The following TNR variants were observed in gnomAD, a reference collection of about 807,000 sequenced individuals.
TNR encodes the protein tenascin R.
A neutral mutation model predicts 150.4 loss-of-function variants in TNR; 45 were observed. The ratio of observed to expected loss-of-function variants is 0.30; its 90% CI spans 0.24 to 0.38. The LOEUF is 0.38. Among genes scored for constraint, TNR ranks in the 10% least tolerant of loss-of-function variants. TNR has a pLI of 1.00. For synonymous variants in TNR, 687 were observed against 678.4 expected (o/e 1.01, Z -0.20); for missense variants, 1,544 against 1,759.1 (o/e 0.88, Z 2.19).
chr1:175,720,257 GCT>G (rs751936280), intron 1 of TNR, among the ~76,000 whole-genome samples: 16 of 150,856 alleles, frequency 1.1e-4, no homozygotes, highest in South Asian at 1.0e-3. Context: ...GCTCTCTTGT[GCT>G]CTCTCTCTCT....
intron 2 of TNR, among the ~76,000 whole-genome samples, chr1:175,458,380 G>A (rs1272625132): frequency 1.3e-5 from 2 of 152,140 alleles, no homozygotes; most frequent in Non-Finnish European, 2.9e-5. Context: ...GATTTAAGAA[G>A]GACAAGGCAT....
At chr1:175,467,878 C>T (rs991832901) in intron 2 of TNR, among the ~76,000 whole-genome samples, 3 of 152,144 alleles carry the variant, frequency 2.0e-5, no homozygotes, top group African/African-American at 7.2e-5. Flanking sequence ...CTGTATTTCC[C>T]ATAATGCAAA....
intron 1 of TNR, among the ~76,000 whole-genome samples, chr1:175,677,222 G>A (rs551916548): frequency 1.8e-4 from 27 of 152,326 alleles, no homozygotes; most frequent in Admixed American, 1.2e-3. Context: ...GCAAAACTGA[G>A]GGGAGTATGT....
intron 2 of TNR, among the ~76,000 whole-genome samples, chr1:175,416,384 C>G (rs750833501): frequency 4.6e-5 from 7 of 152,296 alleles, no homozygotes; most frequent in Admixed American, 1.3e-4. Context: ...CTGCCTCTAT[C>G]CTTGGGAAGT....
intron 1 of TNR, among the ~76,000 whole-genome samples, chr1:175,727,817 G>A (rs568667140): frequency 1.6e-4 from 24 of 152,210 alleles, no homozygotes; most frequent in Non-Finnish European, 3.1e-4. Context: ...GAAAATGAGG[G>A]ACTGCCTGTC....
chr1:175,489,682 G>A (rs1658161842), intron 2 of TNR, among the ~76,000 whole-genome samples: 1 of 152,186 alleles, frequency 6.6e-6, no homozygotes, highest in Non-Finnish European at 1.5e-5. Context: ...GAATGCCCTT[G>A]TGTTTGACAG....
intron 1 of TNR, among the ~76,000 whole-genome samples, chr1:175,697,611 T>G (rs1666570697): frequency 6.6e-6 from 1 of 152,206 alleles, no homozygotes; most frequent in African/African-American, 2.4e-5. Flanking sequence ...TTTCAAGTCC[T>G]GCAACTGTCT....
chr1:175,324,108 T>C (rs1368102716), intron 22 of TNR, among the ~76,000 whole-genome samples: 3 of 152,196 alleles, frequency 2.0e-5, no homozygotes, highest in South Asian at 2.1e-4. Context: ...ATAAGCTCTC[T>C]TCATGGGATC....
chr1:175,511,892 G>A (rs1659192652), intron 2 of TNR, among the ~76,000 whole-genome samples: 1 of 152,144 alleles, frequency 6.6e-6, no homozygotes, highest in South Asian at 2.1e-4. Context: ...TTCTCACTAA[G>A]CATGATATTA....
At chr1:175,370,580 C>T (rs1287577505) in intron 9 of TNR, among the ~76,000 whole-genome samples, 1 of 151,864 alleles carries the variant, frequency 6.6e-6, no homozygotes, top group East Asian at 1.9e-4. Flanking sequence ...ATTGCAATAC[C>T]CCCTGATCCA....
chr1:175,372,898 C>T (rs1267520334), intron 9 of TNR, among the ~76,000 whole-genome samples: 1 of 152,160 alleles, frequency 6.6e-6, no homozygotes, highest in Non-Finnish European at 1.5e-5. Flanking sequence ...TGCCTACCTT[C>T]ACAGAGAGGG....
intron 2 of TNR, among the ~76,000 whole-genome samples, chr1:175,431,936 C>CTCCTTCTCTCT (rs367657172): frequency 1.9e-5 from 1 of 52,356 alleles, no homozygotes; most frequent in Admixed American, 1.4e-4. Context: ...TCTCTCTCTC[C>CTCCTTCTCTCT]CTCTGTCTCT....
intron 21 of TNR, 102 bp downstream of exon 21, chr1:175,329,972 C>G: frequency 1.6e-6 from 2 of 1,268,948 alleles, no homozygotes; most frequent in South Asian, 2.2e-5. Context: ...AATGCTGGAA[C>G]TCTGTGGGTG....
chr1:175,500,878 C>G lies in TNR; in HGVS notation c.-64+27391G>C, dbSNP rs116093832. Among the ~76,000 whole-genome samples, 1,220 of 152,260 alleles carry G rather than the reference C, an allele frequency of 8.0e-3. 16 individuals are homozygous for G. Among genetic ancestry groups the G allele is most frequent in the African/African-American group, 0.028 (1,158 of 41,532 alleles). ...AAAGGTGATCTCGGCAAAGAAATAG[C>G]CATCCAGTCCTAATGGGCAAGGAAG... On this transcript the variant is annotated intron_variant, in intron 2 of 22. Coordinates refer to ENST00000367674, the MANE Select transcript of TNR (RefSeq NM_003285.3).
intron 1 of TNR, among the ~76,000 whole-genome samples, chr1:175,724,982 G>T (rs535820956): frequency 8.5e-5 from 13 of 152,224 alleles, no homozygotes; most frequent in African/African-American, 2.6e-4. Flanking sequence ...GTGTGAGAGG[G>T]GGCAAAGCTA....
intron 9 of TNR, among the ~76,000 whole-genome samples, chr1:175,370,699 T>A (rs923912045): frequency 6.6e-6 from 1 of 152,198 alleles, no homozygotes; most frequent in Non-Finnish European, 1.5e-5. Flanking sequence ...ATCAGGCAAC[T>A]GATTAAGACC....
chr1:175,335,821 AAAAAAAC>A lies in TNR; in HGVS notation c.3535-21_3535-15del. The A allele has an allele frequency of 1.3e-6, 2 of 1,598,848 alleles. No homozygotes were observed. Among genetic ancestry groups the A allele is most frequent in the Non-Finnish European group, 1.7e-6 (2 of 1,174,670 alleles). ...CCTCTGGAATACCTATGAAGGAAAT[AAAAAAAC>A]AAAAAACAAACAAACAAAAAAACAA... On this transcript the variant is annotated splice_polypyrimidine_tract_variant and intron_variant, in intron 19 of 22. Coordinates refer to ENST00000367674, the MANE Select transcript of TNR (RefSeq NM_003285.3).
At chr1:175,359,527 G>C (rs1651493206) in intron 15 of TNR, 85 bp downstream of exon 15, 1 of 1,601,922 alleles carries the variant, frequency 6.2e-7, no homozygotes, top group Admixed American at 1.7e-5. Flanking sequence ...TTGAAAAAAT[G>C]TTTTGTTTAT....
intron 1 of TNR, among the ~76,000 whole-genome samples, chr1:175,557,291 A>G (rs1222609756): frequency 1.3e-5 from 2 of 152,172 alleles, no homozygotes; most frequent in Non-Finnish European, 2.9e-5. Context: ...CTCCTGACCC[A>G]CGGAAGTGGT....
Sources: gnomAD v4.1 joint callset for allele counts (sites outside exome capture counted in the v4.1 genomes callset) on GRCh38, gnomAD v4.1.1 for gene constraint, MANE v1.5 for transcripts, NCBI Gene and HGNC (gene_info 2026-07-23, HGNC 2026-07-21) for gene names.